Variants in CAMK1D observed in about 807,000 individuals in gnomAD.
CAMK1D encodes calcium/calmodulin-dependent protein kinase type 1D.
CAMK1D carries 9 observed loss-of-function variants against 47.7 expected under a neutral mutation model. The observed-to-expected ratio is 0.19, with a 90% CI of 0.11 to 0.33. The LOEUF is 0.33. Ranked by LOEUF, CAMK1D falls within the 10% of genes least tolerant of loss-of-function variation. The probability of loss-of-function intolerance (pLI) is 1.00; values close to 1 mark genes in which losing one functional copy is unlikely to be tolerated. For synonymous variants in CAMK1D, 184 were observed against 184.9 expected (o/e 0.99, Z 0.04); for missense variants, 291 against 488.7 (o/e 0.60, Z 3.81).
intron 6 of CAMK1D, among the ~76,000 whole-genome samples, chr10:12,796,714 G>A (rs572523858): frequency 2.3e-4 from 35 of 152,258 alleles, no homozygotes; most frequent in Admixed American, 8.5e-4. Context: ...TGTGGCCAGC[G>A]GGCAACAGTC....
chr10:12,580,966 C>G (rs7901693), intron 2 of CAMK1D, among the ~76,000 whole-genome samples: 47,118 of 151,886 alleles, frequency 0.31, 7,756 homozygotes, highest in Non-Finnish European at 0.35. Context: ...GTGGTGATTT[C>G]TGAGATTTTG....
chr10:12,350,041 C>T (rs560299305), intron 1 of CAMK1D, 131 bp downstream of exon 1: 2 of 344,614 alleles, frequency 5.8e-6, no homozygotes, highest in South Asian at 9.8e-5. Context: ...GTCCCGTTCT[C>T]GGCGCTGCGG....
chr10:12,640,180 C>G (rs1215379448), intron 2 of CAMK1D, among the ~76,000 whole-genome samples: 1 of 152,154 alleles, frequency 6.6e-6, no homozygotes, highest in Middle Eastern at 3.2e-3. Context: ...TTGAGAGACT[C>G]CAGCTTGGGA....
rs1046552372 is a variant in CAMK1D, at chr10:12,816,376, G to T, written c.833+48G>T. ...CAGACCGTGCCATTTAATGCCATCT[G>T]GGGGGGGCACGAAACTTCCTGTTGG... On this transcript the variant is annotated intron_variant, in intron 8 of 10. Transcript: ENST00000619168. 8.4e-6 allele frequency: 12 copies of T among 1,427,448 alleles called. No homozygotes were observed. In the Middle Eastern group the frequency reaches 5.9e-4, roughly 70 times the overall value. The allele number at this position is 1,427,448 out of a possible 1,614,324, so 88.4% of individuals were successfully genotyped here. A position where few individuals can be genotyped will look rare whatever the true frequency, so the allele number is the denominator to read the frequency against.
intron 3 of CAMK1D, among the ~76,000 whole-genome samples, chr10:12,700,501 A>G (rs1195129172): frequency 6.6e-6 from 1 of 152,200 alleles, no homozygotes; most frequent in South Asian, 2.1e-4. Context: ...ATTAAAGGGA[A>G]CTACAGTTCA....
intron 1 of CAMK1D, among the ~76,000 whole-genome samples, chr10:12,413,330 C>G (rs925984504): frequency 6.6e-6 from 1 of 152,094 alleles, no homozygotes; most frequent in Non-Finnish European, 1.5e-5. Context: ...GTGAGGGATC[C>G]GCTCCCATGA....
intron 1 of CAMK1D, among the ~76,000 whole-genome samples, chr10:12,458,491 A>G (rs931647609): frequency 3.9e-5 from 6 of 152,158 alleles, no homozygotes; most frequent in Non-Finnish European, 5.9e-5. Context: ...ATCATAGCTC[A>G]CCACAGCCTC....
chr10:12,365,561 C>G lies in CAMK1D; in HGVS notation c.92+15651C>G, dbSNP rs960982187. ...TCACGCCATTCTCCTGCCTCAGCCTCCCGAGTAGCTGGGACTACAGGCGCT... is the reference window on the plus strand; with the variant it reads ...TCACGCCATTCTCCTGCCTCAGCCTGCCGAGTAGCTGGGACTACAGGCGCT... On this transcript the variant is annotated intron_variant, in intron 1 of 10. Coordinates refer to ENST00000619168, the MANE Select transcript of CAMK1D (RefSeq NM_153498.4). 2.0e-5 allele frequency among the ~76,000 whole-genome samples: 3 copies of G among 152,104 alleles called. No homozygotes were observed. In the East Asian group the frequency reaches 5.8e-4, roughly 30 times the overall value.
intron 5 of CAMK1D, among the ~76,000 whole-genome samples, chr10:12,785,631 C>A (rs549029916): frequency 6.6e-6 from 1 of 152,150 alleles, no homozygotes; most frequent in African/African-American, 2.4e-5. Context: ...TCTGGAAACT[C>A]GTTGGTCTTC....
intron 1 of CAMK1D, among the ~76,000 whole-genome samples, chr10:12,385,318 T>G (rs1001824250): frequency 1.3e-5 from 2 of 152,236 alleles, no homozygotes; most frequent in African/African-American, 2.4e-5. Flanking sequence ...GGCAGTGTTA[T>G]TGATGTAGCC....
At chr10:12,787,551 G>T (rs528381005) in intron 5 of CAMK1D, among the ~76,000 whole-genome samples, 2 of 152,336 alleles carry the variant, frequency 1.3e-5, no homozygotes, top group African/African-American at 4.8e-5. Context: ...TATTCCTGCT[G>T]TCTTCCTTGG....
chr10:12,413,526 T>A (rs372913374), intron 1 of CAMK1D, among the ~76,000 whole-genome samples: 4 of 100,234 alleles, frequency 4.0e-5, no homozygotes, highest in African/African-American at 7.6e-5. Flanking sequence ...ATGGTGATAA[T>A]GGTGATGATG....
chr10:12,449,940 G>A (rs1231485150), intron 1 of CAMK1D, among the ~76,000 whole-genome samples: 7 of 152,096 alleles, frequency 4.6e-5, no homozygotes, highest in Admixed American at 4.6e-4. Context: ...AGAGGTTGCA[G>A]TGAGCCGAGA....
chr10:12,809,975 C>G (rs372959726), intron 6 of CAMK1D, among the ~76,000 whole-genome samples: 3 of 151,672 alleles, frequency 2.0e-5, no homozygotes, highest in East Asian at 3.9e-4. Context: ...TGGCAAAACC[C>G]TGTCTCTACA....
chr10:12,559,899 A>T (rs1380801492), intron 2 of CAMK1D, among the ~76,000 whole-genome samples: 2 of 152,118 alleles, frequency 1.3e-5, no homozygotes, highest in African/African-American at 2.4e-5. Flanking sequence ...GCTGGGCTGG[A>T]GTCCCTGAAA....
chr10:12,452,427 ATAAT>A (rs1833110658), intron 1 of CAMK1D, among the ~76,000 whole-genome samples: 1 of 151,608 alleles, frequency 6.6e-6, no homozygotes, highest in African/African-American at 2.4e-5. Flanking sequence ...TACATTATAA[ATAAT>A]TGTATAAATA....
intron 3 of CAMK1D, among the ~76,000 whole-genome samples, chr10:12,750,887 C>G (rs975206666): frequency 3.3e-5 from 5 of 152,102 alleles, no homozygotes; most frequent in Non-Finnish European, 2.9e-5. Flanking sequence ...CATGTCTCTA[C>G]TAAAAATACA....
At position 12,595,342 on chromosome 10, in the gene CAMK1D, G is replaced by GAGAAA. The variant is rs1554794319; in HGVS notation, c.224+41987_224+41988insGAAAA. On this transcript the variant is annotated intron_variant, in intron 2 of 10. Coordinates refer to ENST00000619168, the MANE Select transcript of CAMK1D (RefSeq NM_153498.4). Reference sequence around the variant, plus strand: ...GGGCAACAAGAGTGAAACTCCATCTGAAAAAAAAAAAAAAAAAAAAAAGGA... The same window carrying GAGAAA: ...GGGCAACAAGAGTGAAACTCCATCTGAGAAAAAAAAAAAAAAAAAAAAAAAAAGGA... Among the ~76,000 whole-genome samples, 30 of 23,568 alleles carry GAGAAA rather than the reference G, an allele frequency of 1.3e-3. 2 individuals are homozygous for GAGAAA. Among genetic ancestry groups the GAGAAA allele is most frequent in the African/African-American group, 5.0e-3 (28 of 5,546 alleles). The allele number at this position is 23,568 out of a possible 152,430, so 15.5% of individuals were successfully genotyped here.
chr10:12,551,788 A>C (rs1836591652), intron 1 of CAMK1D, among the ~76,000 whole-genome samples: 3 of 152,146 alleles, frequency 2.0e-5, no homozygotes, highest in Admixed American at 2.0e-4. Context: ...GAGTCATCCC[A>C]AAACCACCCT....
Sources: gnomAD v4.1 joint callset for allele counts (sites outside exome capture counted in the v4.1 genomes callset) on GRCh38, gnomAD v4.1.1 for gene constraint, MANE v1.5 for transcripts, NCBI Gene and HGNC (gene_info 2026-07-23, HGNC 2026-07-21) for gene names.